Variants in FYCO1 observed in about 807,000 individuals in gnomAD.
FYCO1 encodes FYVE and coiled-coil domain autophagy adaptor 1.
FYCO1 carries 122 observed loss-of-function variants against 165.1 expected under a neutral mutation model. The ratio of observed to expected loss-of-function variants is 0.74; its 90% CI spans 0.64 to 0.86. The LOEUF is 0.86. Among genes scored for constraint, FYCO1 ranks in the 40% least tolerant of loss-of-function variants. The pLI, the probability that FYCO1 is intolerant of heterozygous loss-of-function variation, is 0.00. For missense variants in FYCO1, 1,702 were observed against 1,810.3 expected (o/e 0.94, Z 1.09); for synonymous variants, 648 against 742.5 (o/e 0.87, Z 2.07).
In FYCO1 at chr3:45,918,175, G is replaced by C. The variant is rs902172264; in HGVS notation, c.*3590C>G. On this transcript the variant is annotated 3_prime_UTR_variant, in exon 18 of 18. Transcript: ENST00000296137. ...TCCAAATGTTGAGCCTTCCAAATGA[G>C]GCTTGGGTATTGCTCTGCAGCCACC... is the stretch of plus-strand genomic sequence containing the variant. The C allele has an allele frequency of 6.6e-6, 1 of 152,574 alleles. No individual in the cohort carries two copies. The highest frequency in any genetic ancestry group is 2.4e-5 in the African/African-American group (1 of 41,406). 9.5% of individuals were successfully genotyped at this position (152,574 alleles called of 1,614,324 possible). A position where few individuals can be genotyped will look rare whatever the true frequency, so the allele number is the denominator to read the frequency against.
At chr3:45,974,980 AGAGAGTAACGGGT>A (rs1379750558) in intron 5 of FYCO1, among the ~76,000 whole-genome samples, 1 of 152,212 alleles carries the variant, frequency 6.6e-6, no homozygotes, top group East Asian at 1.9e-4. Context: ...TCGGGAGTTA[AGAGAGTAACGGGT>A]GAGGCCTAGA....
intron 14 of FYCO1, chr3:45,945,952 G>A (rs914480181): frequency 2.6e-5 from 4 of 155,444 alleles, no homozygotes; most frequent in Non-Finnish European, 5.7e-5. Context: ...TCCTTGATAG[G>A]AGAGCCCCCT....
intron 6 of FYCO1, among the ~76,000 whole-genome samples, chr3:45,970,235 T>C (rs1305045601): frequency 2.0e-5 from 3 of 152,220 alleles, no homozygotes; most frequent in African/African-American, 7.2e-5. Context: ...ATTTCCCTCA[T>C]GCAGAAAGTT....
At chr3:45,931,568 T>G (rs2125798548) in intron 15 of FYCO1, among the ~76,000 whole-genome samples, 1 of 152,282 alleles carries the variant, frequency 6.6e-6, no homozygotes, top group Admixed American at 6.5e-5. Flanking sequence ...CCATGGGAAC[T>G]AAGGAACTGA....
intron 8 of FYCO1, 47 bp from the exon 9 acceptor site, chr3:45,965,172 T>G: frequency 2.1e-6 from 3 of 1,447,958 alleles, no homozygotes; most frequent in Non-Finnish European, 2.9e-6. Context: ...GGGTCCTTGC[T>G]CTGAGGATCC....
chr3:45,991,114 G>C (rs187385808), intron 1 of FYCO1, among the ~76,000 whole-genome samples: 26 of 152,212 alleles, frequency 1.7e-4, no homozygotes, highest in Non-Finnish European at 2.6e-4. Flanking sequence ...CTATTTCTCT[G>C]ATTTTTCAAT....
At chr3:45,923,356 T>G (rs895863711) in intron 17 of FYCO1, among the ~76,000 whole-genome samples, 1 of 152,204 alleles carries the variant, frequency 6.6e-6, no homozygotes, top group African/African-American at 2.4e-5. Context: ...ACCTTGGTTA[T>G]GAAGAGTTCA....
At chr3:45,976,303 T>C (rs573330443) in intron 4 of FYCO1, among the ~76,000 whole-genome samples, 47 of 152,384 alleles carry the variant, frequency 3.1e-4, no homozygotes, top group Non-Finnish European at 5.7e-4. Flanking sequence ...TGGGATATGT[T>C]GGTCAGAGAC....
intron 8 of FYCO1, 90 bp from the exon 9 acceptor site, chr3:45,965,215 G>T: frequency 1.0e-6 from 1 of 987,654 alleles, no homozygotes; most frequent in Admixed American, 1.9e-5. Flanking sequence ...ATAAAACCAA[G>T]CTAACTTTCT....
In FYCO1 at chr3:45,958,627, C is replaced by T; in HGVS notation, c.3588-8G>A. 1 of 1,613,688 alleles carries T rather than the reference C, an allele frequency of 6.2e-7. No homozygotes were observed. Among genetic ancestry groups the T allele is most frequent in the East Asian group, 2.2e-5 (1 of 44,872 alleles). Reference sequence around the variant, plus strand: ...AAGATGCGGCCACATATCCTGGGAACAAAACAAGCCCAGGCTGTGAGGATG... The same window carrying T: ...AAGATGCGGCCACATATCCTGGGAATAAAACAAGCCCAGGCTGTGAGGATG... On this transcript the variant is annotated splice_polypyrimidine_tract_variant and splice_region_variant and intron_variant, in intron 12 of 17. Transcript: ENST00000296137.
intron 14 of FYCO1, among the ~76,000 whole-genome samples, chr3:45,949,427 T>C (rs1559451075): frequency 6.6e-6 from 1 of 152,164 alleles, no homozygotes; most frequent in Non-Finnish European, 1.5e-5. Context: ...GAGGCAGAAG[T>C]AGAGTCAGGA....
intron 16 of FYCO1, 137 bp downstream of exon 16, chr3:45,930,934 C>A: frequency 1.2e-6 from 1 of 822,618 alleles, no homozygotes; most frequent in South Asian, 1.5e-5. Context: ...GCCTTCTCTG[C>A]ATGATACTGC....
intron 2 of FYCO1, among the ~76,000 whole-genome samples, chr3:45,982,673 A>T (rs1306965956): frequency 6.6e-6 from 1 of 152,210 alleles, no homozygotes; most frequent in East Asian, 1.9e-4. Flanking sequence ...TTCTCTGGCA[A>T]TTCTTAAATT....
At chr3:45,934,517 C>G (rs1438094614) in intron 15 of FYCO1, among the ~76,000 whole-genome samples, 3 of 152,232 alleles carry the variant, frequency 2.0e-5, no homozygotes, top group African/African-American at 7.2e-5. Flanking sequence ...AAGAAAAGAA[C>G]TTTCAATTCT....
At chr3:45,934,296 G>A (rs183700068) in intron 15 of FYCO1, among the ~76,000 whole-genome samples, 9 of 152,288 alleles carry the variant, frequency 5.9e-5, no homozygotes, top group Admixed American at 5.9e-4. Flanking sequence ...AGAGCTGAGT[G>A]TACCCCAAAT....
At chr3:45,984,449 T>G (rs6802312) in intron 2 of FYCO1, 9 of 350,504 alleles carry the variant, frequency 2.6e-5, no homozygotes, top group African/African-American at 1.5e-4. Context: ...CAAAACAAGA[T>G]AGGTGGGTCT....
intron 1 of FYCO1, among the ~76,000 whole-genome samples, chr3:45,991,652 A>C (rs899038753): frequency 2.0e-5 from 3 of 152,186 alleles, no homozygotes; most frequent in African/African-American, 7.2e-5. Flanking sequence ...GGAAGTGTGA[A>C]CCACAGTTCG....
chr3:45,918,353 G>T lies in FYCO1; in HGVS notation c.*3412C>A, dbSNP rs961388518. 3 of 152,044 alleles carry T rather than the reference G, an allele frequency of 2.0e-5. No individual in the cohort carries two copies. Among genetic ancestry groups the T allele is most frequent in the African/African-American group, 7.3e-5 (3 of 41,370 alleles). The allele number at this position is 152,044 out of a possible 1,614,324, so 9.4% of individuals were successfully genotyped here. ...TTAATTCAGTCTCTCCTGTTTCCTT[G>T]GAAGAAACATAATGAAATGAGAAGA... is the stretch of plus-strand genomic sequence containing the variant. On this transcript the variant is annotated 3_prime_UTR_variant, in exon 18 of 18. Transcript: ENST00000296137.
intron 14 of FYCO1, among the ~76,000 whole-genome samples, chr3:45,949,947 G>A (rs1704900486): frequency 6.6e-6 from 1 of 152,156 alleles, no homozygotes; most frequent in Non-Finnish European, 1.5e-5. Context: ...CTGGATAGGG[G>A]AATAAACGCG....
Sources: gnomAD v4.1 joint callset for allele counts (sites outside exome capture counted in the v4.1 genomes callset) on GRCh38, gnomAD v4.1.1 for gene constraint, MANE v1.5 for transcripts, NCBI Gene and HGNC (gene_info 2026-07-23, HGNC 2026-07-21) for gene names.